The following TSPAN11 variants were observed in gnomAD, a reference collection of about 807,000 sequenced individuals.
TSPAN11 encodes the protein tetraspanin 11, also known as tetraspanin-11.
A neutral mutation model predicts 32.9 loss-of-function variants in TSPAN11; 29 were observed. That is an observed-to-expected ratio of 0.88 (90% CI 0.66 to 1.20). TSPAN11 has a LOEUF of 1.20. Among genes scored for constraint, TSPAN11 ranks in the 50% most tolerant of loss-of-function variants. The probability of loss-of-function intolerance (pLI) is 0.00; values close to 1 mark genes in which losing one functional copy is unlikely to be tolerated. For synonymous variants in TSPAN11, 140 were observed against 141.3 expected (o/e 0.99, Z 0.07); for missense variants, 283 against 329.1 (o/e 0.86, Z 1.08).
At chr12:30,990,621 G>C (rs564855629) in intron 7 of TSPAN11, among the ~76,000 whole-genome samples, 1 of 152,310 alleles carries the variant, frequency 6.6e-6, no homozygotes, top group African/African-American at 2.4e-5. Context: ...GGGATGGAGA[G>C]GAGGAAGGAG....
intron 1 of TSPAN11, among the ~76,000 whole-genome samples, chr12:30,938,864 A>C (rs1233298046): frequency 6.6e-6 from 1 of 152,106 alleles, no homozygotes; most frequent in Non-Finnish European, 1.5e-5. Flanking sequence ...ACCCTGAGAG[A>C]CTTTGACTTT....
At chr12:30,984,491 T>C (rs1939159770) in intron 7 of TSPAN11, among the ~76,000 whole-genome samples, 1 of 151,732 alleles carries the variant, frequency 6.6e-6, no homozygotes, top group African/African-American at 2.4e-5. Flanking sequence ...CTTCCTCTCA[T>C]TGGGTCCACA....
intron 7 of TSPAN11, among the ~76,000 whole-genome samples, chr12:30,989,970 C>G (rs1203034831): frequency 6.6e-6 from 1 of 152,208 alleles, no homozygotes; most frequent in Non-Finnish European, 1.5e-5. Flanking sequence ...ACCTCCAGCA[C>G]CTGCGGTTAG....
At chr12:30,984,551 GCTT>G (rs1565804215) in intron 7 of TSPAN11, among the ~76,000 whole-genome samples, 14 of 99,526 alleles carry the variant, frequency 1.4e-4, no homozygotes, top group South Asian at 3.0e-4. Flanking sequence ...TTCGCTTTTT[GCTT>G]TTTTTTTTTT....
the TSPAN11 span, among the ~76,000 whole-genome samples, chr12:31,008,060 C>T: frequency 6.6e-6 from 1 of 151,966 alleles, no homozygotes. Context: ...CACACAGGGT[C>T]TCCCAGGGTC....
intron 1 of TSPAN11, among the ~76,000 whole-genome samples, chr12:30,940,357 T>C (rs974409927): frequency 6.6e-6 from 1 of 152,220 alleles, no homozygotes; most frequent in Non-Finnish European, 1.5e-5. Flanking sequence ...CATCAGGTAC[T>C]CTGTTGGGTG....
intron 3 of TSPAN11, among the ~76,000 whole-genome samples, chr12:30,973,263 G>A (rs1353990523): frequency 2.0e-5 from 3 of 152,180 alleles, no homozygotes; most frequent in Non-Finnish European, 4.4e-5. Flanking sequence ...GCTGATGCTC[G>A]TGCCCATGTG....
intron 7 of TSPAN11, among the ~76,000 whole-genome samples, chr12:30,986,357 ATGGACAGATTGGATATTTGTGAG>A (rs1281185365): frequency 6.6e-6 from 1 of 152,228 alleles, no homozygotes; most frequent in Non-Finnish European, 1.5e-5. Flanking sequence ...TACCTGTAAA[ATGGACAGATTGGATATTTGTGAG>A]CCTTTTTTAA....
chr12:30,986,720 T>C (rs111321285), intron 7 of TSPAN11: 1 of 152,370 alleles, frequency 6.6e-6, no homozygotes, highest in African/African-American at 2.4e-5. Flanking sequence ...GAATATTTAA[T>C]GAAGGGAGCA....
chr12:30,969,904 C>T (rs1001013042), intron 3 of TSPAN11, among the ~76,000 whole-genome samples: 2 of 152,168 alleles, frequency 1.3e-5, no homozygotes, highest in Admixed American at 6.5e-5. Flanking sequence ...AAGGACCATG[C>T]GGGCAGTTTA....
intron 2 of TSPAN11, among the ~76,000 whole-genome samples, chr12:30,956,851 T>C (rs1175822571): frequency 6.6e-6 from 1 of 152,240 alleles, no homozygotes; most frequent in Non-Finnish European, 1.5e-5. Context: ...TGTCAGGCTA[T>C]GGGGAGCACT....
intron 1 of TSPAN11, among the ~76,000 whole-genome samples, chr12:30,927,431 T>C (rs1937823520): frequency 6.6e-6 from 1 of 152,176 alleles, no homozygotes. Flanking sequence ...ATATGTGCAG[T>C]GTGCACATGT....
intron 5 of TSPAN11, among the ~76,000 whole-genome samples, 166 bp from the exon 6 acceptor site, chr12:30,982,366 T>C (rs1480514487): frequency 6.6e-6 from 1 of 151,804 alleles, no homozygotes; most frequent in Non-Finnish European, 1.5e-5. Context: ...CGTGACCAGC[T>C]CTCTGCTCAA....
At chr12:30,935,564 A>G (rs936475552) in intron 1 of TSPAN11, among the ~76,000 whole-genome samples, 38 of 152,008 alleles carry the variant, frequency 2.5e-4, no homozygotes, top group African/African-American at 7.0e-4. Context: ...TTGTATTTTT[A>G]GTAGAGACGG....
At chr12:30,932,616 G>A (rs7309016) in intron 1 of TSPAN11, among the ~76,000 whole-genome samples, 5,748 of 152,212 alleles carry the variant, frequency 0.038, 420 homozygotes, top group East Asian at 0.34. Flanking sequence ...GGAAGGGTTG[G>A]ACATCAGTGA....
chr12:30,950,144 G>T (rs1043694451), intron 1 of TSPAN11, among the ~76,000 whole-genome samples: 1 of 151,634 alleles, frequency 6.6e-6, no homozygotes, highest in East Asian at 2.0e-4. Context: ...CCATCCTGGG[G>T]TTGGCATCAC....
intron 1 of TSPAN11, among the ~76,000 whole-genome samples, chr12:30,947,493 C>T (rs888011684): frequency 4.6e-5 from 7 of 152,190 alleles, no homozygotes; most frequent in African/African-American, 7.2e-5. Context: ...TACAGTTCCA[C>T]ATGGCTGAGG....
At chr12:30,987,385 G>A (rs1321452286) in intron 7 of TSPAN11, among the ~76,000 whole-genome samples, 1 of 152,154 alleles carries the variant, frequency 6.6e-6, no homozygotes, top group Non-Finnish European at 1.5e-5. Context: ...GAGTCAGGTG[G>A]ATCATGAACT....
downstream of TSPAN11, among the ~76,000 whole-genome samples, chr12:30,997,786 G>C (rs1022063938): frequency 1.2e-4 from 19 of 152,172 alleles, no homozygotes; most frequent in Admixed American, 6.5e-5. Flanking sequence ...GGGGTGGTCA[G>C]GGGGGTGGCT....
Sources: gnomAD v4.1 joint callset for allele counts (sites outside exome capture counted in the v4.1 genomes callset) on GRCh38, gnomAD v4.1.1 for gene constraint, MANE v1.5 for transcripts, NCBI Gene and HGNC (gene_info 2026-07-23, HGNC 2026-07-21) for gene names.